Variants in FRMD4B observed in about 807,000 individuals in gnomAD.
FRMD4B encodes the protein FERM domain containing 4B, also known as FERM domain-containing protein 4B.
A neutral mutation model predicts 141.5 loss-of-function variants in FRMD4B; 74 were observed. That is an observed-to-expected ratio of 0.52 (90% confidence interval 0.43 to 0.63). The LOEUF is 0.63. FRMD4B is among the 30% of genes least tolerant of loss of function. The pLI is 0.00. For synonymous variants in FRMD4B, 506 were observed against 467.9 expected (o/e 1.08, Z -1.05); for missense variants, 1,366 against 1,253.4 (o/e 1.09, Z -1.36).
intron 1 of FRMD4B, among the ~76,000 whole-genome samples, chr3:69,433,956 AAGAG>A (rs1307937044): frequency 6.6e-6 from 1 of 152,148 alleles, no homozygotes; most frequent in Admixed American, 6.5e-5. Flanking sequence ...GAGGTACAGA[AAGAG>A]AGAGAGAAAG....
intron 4 of FRMD4B, among the ~76,000 whole-genome samples, chr3:69,296,747 T>C (rs1206781752): frequency 6.6e-6 from 1 of 152,206 alleles, no homozygotes; most frequent in Non-Finnish European, 1.5e-5. Context: ...ACCTACCATC[T>C]GATGGCTTTA....
At chr3:69,520,083 T>G (rs1170903997) in intron 1 of FRMD4B, among the ~76,000 whole-genome samples, 1 of 123,314 alleles carries the variant, frequency 8.1e-6, no homozygotes, top group East Asian at 2.5e-4. Flanking sequence ...ATATATATGA[T>G]GGAATATATA....
At chr3:69,284,095 A>C (rs2093656591) in intron 5 of FRMD4B, among the ~76,000 whole-genome samples, 1 of 152,186 alleles carries the variant, frequency 6.6e-6, no homozygotes, top group African/African-American at 2.4e-5. Flanking sequence ...CAGTACTGTC[A>C]AGAGAGGGCT....
chr3:69,302,244 C>T (rs1701240535), intron 4 of FRMD4B, 99 bp downstream of exon 4: 1 of 700,232 alleles, frequency 1.4e-6, no homozygotes, highest in Middle Eastern at 2.3e-4. Context: ...TTTGCTATCT[C>T]TAATCACCAG....
chr3:69,207,158 A>G (rs2093031191), intron 11 of FRMD4B, among the ~76,000 whole-genome samples: 1 of 152,134 alleles, frequency 6.6e-6, no homozygotes, highest in Admixed American at 6.5e-5. Context: ...TTAAAAAATT[A>G]GTGGGACACA....
chr3:69,388,483 T>G (rs1704316348), upstream of FRMD4B, among the ~76,000 whole-genome samples: 1 of 152,146 alleles, frequency 6.6e-6, no homozygotes, highest in South Asian at 2.1e-4. Flanking sequence ...TCAGTTGGCC[T>G]CTGGAGGATT....
intron 5 of FRMD4B, among the ~76,000 whole-genome samples, chr3:69,253,573 T>C (rs968250996): frequency 2.0e-5 from 3 of 152,324 alleles, no homozygotes; most frequent in African/African-American, 7.2e-5. Flanking sequence ...ATATTAATAC[T>C]GTGGTCATAA....
chr3:69,353,733 C>A (rs1463876078), intron 1 of FRMD4B: 1 of 982,154 alleles, frequency 1.0e-6, no homozygotes, highest in Non-Finnish European at 1.2e-6. Context: ...ACGCCTTCCG[C>A]TGCCATATAA....
intron 2 of FRMD4B, among the ~76,000 whole-genome samples, chr3:69,418,513 C>T (rs1411680675): frequency 6.6e-6 from 1 of 152,176 alleles, no homozygotes; most frequent in Non-Finnish European, 1.5e-5. Flanking sequence ...TATCAACCCA[C>T]AATGACTCCA....
At chr3:69,223,915 G>A (rs1478147530) in intron 8 of FRMD4B, among the ~76,000 whole-genome samples, 1 of 152,152 alleles carries the variant, frequency 6.6e-6, no homozygotes, top group African/African-American at 2.4e-5. Context: ...TGTAGCCTCA[G>A]TACTTACTTT....
chr3:69,396,372 G>C (rs1704474126), intron 2 of FRMD4B, among the ~76,000 whole-genome samples: 1 of 152,096 alleles, frequency 6.6e-6, no homozygotes, highest in Non-Finnish European at 1.5e-5. Flanking sequence ...AGGCATAGTG[G>C]CACACACCTG....
At position 69,250,245 on chromosome 3, in the gene FRMD4B, G is replaced by T. The variant is rs1027704751; in HGVS notation, c.502-146C>A. 8.7e-5 allele frequency: 62 copies of T among 715,490 alleles called. No homozygotes were observed. The Middle Eastern group carries it at 1.9e-3, about 22-fold the overall frequency. 44.3% of individuals were successfully genotyped at this position (715,490 alleles called of 1,614,324 possible). On this transcript the variant is annotated intron_variant, in intron 5 of 22. Coordinates refer to ENST00000398540, the MANE Select transcript of FRMD4B (RefSeq NM_015123.3). ...ATACCATTGCAGGGGAAAGTGGGGG[G>T]TGTGGAGAGACTCATTGAGGGTTAA...
chr3:69,409,355 G>A (rs565229223), intron 2 of FRMD4B, among the ~76,000 whole-genome samples: 39 of 152,274 alleles, frequency 2.6e-4, no homozygotes, highest in African/African-American at 8.4e-4. Context: ...ATACAACCAG[G>A]AGATTCCTAG....
chr3:69,518,975 C>T (rs574981534), intron 1 of FRMD4B, among the ~76,000 whole-genome samples: 27 of 152,294 alleles, frequency 1.8e-4, no homozygotes, highest in Non-Finnish European at 3.5e-4. Flanking sequence ...TGTGTTGACA[C>T]CTCAGATTCC....
chr3:69,223,105 A>C (rs1486736308), intron 8 of FRMD4B, among the ~76,000 whole-genome samples: 1 of 152,244 alleles, frequency 6.6e-6, no homozygotes, highest in Admixed American at 6.5e-5. Flanking sequence ...AAACCCTTTT[A>C]TTGCCCTAGA....
intron 1 of FRMD4B, among the ~76,000 whole-genome samples, chr3:69,485,496 G>T (rs554909283): frequency 6.6e-6 from 1 of 152,320 alleles, no homozygotes; most frequent in East Asian, 1.9e-4. Flanking sequence ...CCTACTCTCA[G>T]CTCCCAGAAG....
chr3:69,374,774 G>C (rs926337897), intron 1 of FRMD4B, among the ~76,000 whole-genome samples: 43 of 152,176 alleles, frequency 2.8e-4, no homozygotes, highest in Non-Finnish European at 5.3e-4. Context: ...ATAAAACCAT[G>C]TGCCCACAGT....
intron 5 of FRMD4B, among the ~76,000 whole-genome samples, chr3:69,258,283 AT>A (rs113191660): frequency 0.035 from 5,266 of 152,088 alleles, 151 homozygotes; most frequent in East Asian, 0.1. Flanking sequence ...TCAGTATTTA[AT>A]TTTTTTTATT....
At chr3:69,514,671 G>A (rs980664349) in intron 1 of FRMD4B, among the ~76,000 whole-genome samples, 1 of 149,472 alleles carries the variant, frequency 6.7e-6, no homozygotes, top group Admixed American at 6.8e-5. Flanking sequence ...TTGGGTGACA[G>A]AGCAAGACTC....
Sources: gnomAD v4.1 joint callset for allele counts (sites outside exome capture counted in the v4.1 genomes callset) on GRCh38, gnomAD v4.1.1 for gene constraint, MANE v1.5 for transcripts, NCBI Gene and HGNC (gene_info 2026-07-23, HGNC 2026-07-21) for gene names.